The following RNF38 variants were observed in gnomAD, a reference collection of about 807,000 sequenced individuals.
RNF38 encodes E3 ubiquitin-protein ligase RNF38.
Under a neutral mutation model 67.2 loss-of-function variants are expected in RNF38, and 15 were observed. The ratio of observed to expected loss-of-function variants is 0.22; its 90% CI spans 0.15 to 0.34. The LOEUF (loss-of-function observed/expected upper bound fraction) is 0.34, where lower values mean the gene tolerates loss of function less well. Ranked by LOEUF, RNF38 falls within the 10% of genes least tolerant of loss-of-function variation. The probability of loss-of-function intolerance (pLI) is 1.00; values close to 1 mark genes in which losing one functional copy is unlikely to be tolerated. For missense variants in RNF38, 524 were observed against 639.9 expected, an observed-to-expected ratio of 0.82 and a Z score of 1.95; for synonymous variants, 220 against 218.8, an observed-to-expected ratio of 1.01 and a Z score of -0.05.
intron 4 of RNF38, among the ~76,000 whole-genome samples, chr9:36,369,173 C>T (rs1835186869): frequency 6.6e-6 from 1 of 152,198 alleles, no homozygotes; most frequent in Non-Finnish European, 1.5e-5. Flanking sequence ...CTATTTCCTA[C>T]TAATCTTAAA....
chr9:36,481,889 G>C (rs1263602177), intron 1 of RNF38, among the ~76,000 whole-genome samples: 1 of 152,086 alleles, frequency 6.6e-6, no homozygotes, highest in Non-Finnish European at 1.5e-5. Context: ...TTCAAAATTA[G>C]CTAAAAAGCC....
chr9:36,376,277 C>T lies in RNF38; in HGVS notation c.163-150G>A, dbSNP rs1436139081. ...TATGCTATCAATTCAAATTTAAAACCTTTAAAAAATGCTGGGATGGGGTAG... is the reference window on the plus strand; with the variant it reads ...TATGCTATCAATTCAAATTTAAAACTTTTAAAAAATGCTGGGATGGGGTAG... On this transcript the variant is annotated intron_variant, in intron 2 of 11. Coordinates refer to ENST00000259605, the MANE Select transcript of RNF38 (RefSeq NM_022781.5). 14 of 587,574 alleles carry T rather than the reference C, an allele frequency of 2.4e-5. No individual in the cohort carries two copies. In the South Asian group the frequency reaches 2.7e-4, roughly 11 times the overall value. 36.4% of individuals were successfully genotyped at this position (587,574 alleles called of 1,614,324 possible). A position where few individuals can be genotyped will look rare whatever the true frequency, so the allele number is the denominator to read the frequency against.
upstream of RNF38, chr9:36,487,562 G>A: frequency 3.1e-6 from 3 of 980,846 alleles, no homozygotes; most frequent in Non-Finnish European, 2.4e-6. Flanking sequence ...TCCGCTCATG[G>A]CGGGGCCGCG....
intron 1 of RNF38, among the ~76,000 whole-genome samples, chr9:36,470,357 G>C (rs995303316): frequency 6.6e-6 from 1 of 152,170 alleles, no homozygotes; most frequent in African/African-American, 2.4e-5. Flanking sequence ...CATCCACACA[G>C]TGTCTGAGTG....
At chr9:36,424,791 CAT>C in intron 1 of RNF38, 1 of 218,912 alleles carries the variant, frequency 4.6e-6, no homozygotes, top group East Asian at 1.8e-4. Flanking sequence ...ATAAAATACT[CAT>C]ATAAGTAGAC....
intron 1 of RNF38, among the ~76,000 whole-genome samples, chr9:36,472,826 C>T (rs1006855176): frequency 1.3e-5 from 2 of 152,146 alleles, no homozygotes; most frequent in African/African-American, 4.8e-5. Flanking sequence ...GAATCCAGGG[C>T]TGGGTACGGT....
intron 1 of RNF38, among the ~76,000 whole-genome samples, chr9:36,471,421 A>T (rs1468202086): frequency 1.3e-5 from 2 of 152,262 alleles, no homozygotes; most frequent in African/African-American, 4.8e-5. Context: ...ACATGTTTAC[A>T]TCTCAAATGT....
intron 2 of RNF38, among the ~76,000 whole-genome samples, chr9:36,383,848 T>C (rs560383601): frequency 1.3e-5 from 2 of 152,112 alleles, no homozygotes; most frequent in African/African-American, 2.4e-5. Flanking sequence ...AAATAACAGT[T>C]TGATATGCAG....
chr9:36,466,139 G>T (rs1007593534), intron 1 of RNF38, among the ~76,000 whole-genome samples: 3 of 152,172 alleles, frequency 2.0e-5, no homozygotes, highest in African/African-American at 7.2e-5. Context: ...AGTGGAAGAA[G>T]CCAGTACTGT....
intron 1 of RNF38, among the ~76,000 whole-genome samples, chr9:36,465,318 T>C (rs1564073345): frequency 6.6e-6 from 1 of 152,222 alleles, no homozygotes; most frequent in Non-Finnish European, 1.5e-5. Context: ...TAAAAACTTG[T>C]ACACAAGTGT....
intron 1 of RNF38, among the ~76,000 whole-genome samples, chr9:36,464,250 A>G (rs977260526): frequency 2.0e-5 from 3 of 151,556 alleles, no homozygotes; most frequent in Non-Finnish European, 2.9e-5. Context: ...TATGTAGATG[A>G]AATGCAAGCC....
intron 1 of RNF38, among the ~76,000 whole-genome samples, chr9:36,450,334 G>A (rs1839407650): frequency 6.6e-6 from 1 of 152,106 alleles, no homozygotes; most frequent in African/African-American, 2.4e-5. Context: ...CCACCAGGTG[G>A]CAAGAGAGCA....
chr9:36,416,300 C>G lies in RNF38; in HGVS notation n.312+8313G>C, dbSNP rs185370947. Among the ~76,000 whole-genome samples, 395 of 152,068 alleles carry G rather than the reference C, an allele frequency of 2.6e-3. 1 individual carries two copies. The highest frequency in any genetic ancestry group is 6.7e-3 in the South Asian group (32 of 4,804). ...GTTGCCTCTGCTGCTTCAAACAGAT[C>G]ACCAGGGAGTTGGGGGCAAGCTGGC... On this transcript the variant is annotated intron_variant and non_coding_transcript_variant, in intron 2 of 3. Transcript: ENST00000488058.
At chr9:36,400,868 C>A (rs1837971651), upstream of RNF38, 1 of 984,826 alleles carries the variant, frequency 1.0e-6, no homozygotes, top group Non-Finnish European at 1.2e-6. Context: ...TCCCGCAACA[C>A]CGCACTAGGG....
At position 36,465,789 on chromosome 9, in the gene RNF38, G is replaced by A. The variant is rs368449059; in HGVS notation, n.241+21519C>T. Among the ~76,000 whole-genome samples the A allele has an allele frequency of 9.3e-4, 142 of 152,150 alleles. 3 individuals carry two copies. The South Asian group carries it at 0.022, about 24-fold the overall frequency. On this transcript the variant is annotated intron_variant and non_coding_transcript_variant, in intron 1 of 3. Transcript: ENST00000488058. Reference sequence around the variant, plus strand: ...GTGCTGGCCGGGCGCGGTGGCTCACGCCTGTAATCCCAGCACTTTGGGAGG... The same window carrying A: ...GTGCTGGCCGGGCGCGGTGGCTCACACCTGTAATCCCAGCACTTTGGGAGG...
chr9:36,402,602 A>G (rs969266433), upstream of RNF38, among the ~76,000 whole-genome samples: 1 of 152,154 alleles, frequency 6.6e-6, no homozygotes, highest in Non-Finnish European at 1.5e-5. Context: ...GGAGAAGAAC[A>G]TCAGGAAAGG....
intron 2 of RNF38, among the ~76,000 whole-genome samples, chr9:36,383,494 T>C (rs1433537124): frequency 6.6e-6 from 1 of 152,182 alleles, no homozygotes; most frequent in Non-Finnish European, 1.5e-5. Flanking sequence ...CCGGCCTAAA[T>C]GTGTTTCTAT....
chr9:36,339,638 A>G lies in RNF38; in HGVS notation c.*114T>C, dbSNP rs1040841789. The G allele has an allele frequency of 1.3e-6, 1 of 778,756 alleles. No individual in the cohort carries two copies. The highest frequency in any genetic ancestry group is 2.2e-6 in the Non-Finnish European group (1 of 449,222). 48.2% of individuals were successfully genotyped at this position (778,756 alleles called of 1,614,324 possible). ...AGTCACACAGTGCAAAGAAAGGTCCATTGACCCTTTTGGTAAAGGGAGGGC... is the reference window on the plus strand; with the variant it reads ...AGTCACACAGTGCAAAGAAAGGTCCGTTGACCCTTTTGGTAAAGGGAGGGC... On this transcript the variant is annotated 3_prime_UTR_variant, in exon 12 of 12. Coordinates refer to ENST00000259605, the MANE Select transcript of RNF38 (RefSeq NM_022781.5).
intron 1 of RNF38, among the ~76,000 whole-genome samples, chr9:36,455,507 A>G (rs1213331374): frequency 2.0e-5 from 3 of 151,372 alleles, no homozygotes; most frequent in Non-Finnish European, 4.4e-5. Flanking sequence ...ATTTAGCTGG[A>G]CGCGGTGGCT....
Sources: allele counts gnomAD v4.1 joint callset (sites outside exome capture counted in the v4.1 genomes callset), GRCh38; gene constraint gnomAD v4.1.1; transcripts MANE v1.5; gene names NCBI Gene and HGNC (gene_info 2026-07-23, HGNC 2026-07-21).